NR3C1: variants seen among roughly 807,000 people sequenced by gnomAD.
The protein encoded by NR3C1 is glucocorticoid receptor.
Under a neutral mutation model 74.0 loss-of-function variants are expected in NR3C1, and 14 were observed. The ratio of observed to expected loss-of-function variants is 0.19; its 90% confidence interval spans 0.12 to 0.30. The LOEUF (loss-of-function observed/expected upper bound fraction) is 0.30. NR3C1 is among the 10% of genes least tolerant of loss of function. The pLI, the probability that NR3C1 is intolerant of heterozygous loss-of-function variation, is 1.00. For synonymous variants in NR3C1, 308 were observed against 332.5 expected (o/e 0.93, Z 0.80); for missense variants, 695 against 909.8 (o/e 0.76, Z 3.04).
chr5:143,420,079 C>T (rs35132206), intron 1 of NR3C1, among the ~76,000 whole-genome samples: 2,700 of 152,268 alleles, frequency 0.018, 82 homozygotes, highest in African/African-American at 0.062. Context: ...CCTGGCTCAC[C>T]GGCGGTCAGA....
chr5:143,390,802 T>C (rs1838091629), intron 2 of NR3C1, among the ~76,000 whole-genome samples: 1 of 152,156 alleles, frequency 6.6e-6, no homozygotes, highest in Non-Finnish European at 1.5e-5. Context: ...ATGTTATCAT[T>C]CGAGAGAGGA....
At chr5:143,326,665 TG>T (rs1824674957) in intron 2 of NR3C1, among the ~76,000 whole-genome samples, 2 of 152,232 alleles carry the variant, frequency 1.3e-5, no homozygotes, top group African/African-American at 4.8e-5. Flanking sequence ...GGGAAGCATT[TG>T]TTTTTTTCTG....
At chr5:143,340,867 C>T (rs527736914) in intron 2 of NR3C1, among the ~76,000 whole-genome samples, 48 of 152,110 alleles carry the variant, frequency 3.2e-4, no homozygotes, top group Non-Finnish European at 6.2e-4. Flanking sequence ...TGTGAGGGTT[C>T]GTTAAATAGG....
chr5:143,402,763 TCGCGCTCGGGCG>T, intron 1 of NR3C1: 1 of 985,268 alleles, frequency 1.0e-6, no homozygotes, highest in South Asian at 4.7e-5. Context: ...GAGCCCGGGC[TCGCGCTCGGGCG>T]CGCCGGGGTG....
chr5:143,388,508 C>T (rs1252627544), intron 2 of NR3C1, among the ~76,000 whole-genome samples: 1 of 152,150 alleles, frequency 6.6e-6, no homozygotes, highest in Non-Finnish European at 1.5e-5. Flanking sequence ...GTAAGCAAGG[C>T]AGACAGTATC....
intron 3 of NR3C1, among the ~76,000 whole-genome samples, chr5:143,312,661 G>C (rs1821220084): frequency 6.6e-6 from 1 of 152,202 alleles, no homozygotes; most frequent in Non-Finnish European, 1.5e-5. Context: ...CAACCCCATT[G>C]TAAGTCGAGG....
chr5:143,298,595 A>G (rs942748329), intron 6 of NR3C1, 73 bp downstream of exon 6: 1 of 1,466,590 alleles, frequency 6.8e-7, no homozygotes, highest in African/African-American at 1.4e-5. Context: ...TCACAATAGC[A>G]GTCAATCAGG....
At chr5:143,432,610 G>T (rs1228627249) in intron 1 of NR3C1, among the ~76,000 whole-genome samples, 1 of 152,210 alleles carries the variant, frequency 6.6e-6, no homozygotes, top group Non-Finnish European at 1.5e-5. Flanking sequence ...AGATGCTCGG[G>T]ATGAGTTTGT....
chr5:143,399,609 T>C (rs1839863037), intron 2 of NR3C1, 47 bp downstream of exon 2: 1 of 1,310,614 alleles, frequency 7.6e-7, no homozygotes, highest in Non-Finnish European at 1.1e-6. Flanking sequence ...TCTATTAATC[T>C]ACCTTAAATG....
chr5:143,369,804 A>G (rs1222254146), intron 2 of NR3C1, among the ~76,000 whole-genome samples: 1 of 152,234 alleles, frequency 6.6e-6, no homozygotes, highest in Non-Finnish European at 1.5e-5. Flanking sequence ...TAATCTATTA[A>G]AAAGCAAAAA....
intron 2 of NR3C1, among the ~76,000 whole-genome samples, chr5:143,367,059 T>C (rs1157822917): frequency 4.6e-5 from 7 of 152,180 alleles, no homozygotes; most frequent in African/African-American, 1.4e-4. Flanking sequence ...AAAAGGATTA[T>C]AAACCATAAC....
intron 2 of NR3C1, among the ~76,000 whole-genome samples, chr5:143,359,712 G>T (rs550273093): frequency 2.1e-4 from 32 of 152,296 alleles, no homozygotes; most frequent in Admixed American, 1.5e-3. Context: ...GAGGCCAGGA[G>T]TTCGAGACCA....
upstream of NR3C1, chr5:143,404,646 A>G (rs1840964556): frequency 2.5e-6 from 1 of 392,196 alleles, no homozygotes; most frequent in Admixed American, 6.7e-5. Context: ...CGCCAAATGC[A>G]AAACCTCCAG....
chr5:143,364,281 T>C (rs567141608), intron 2 of NR3C1, among the ~76,000 whole-genome samples: 2 of 152,354 alleles, frequency 1.3e-5, no homozygotes, highest in East Asian at 3.9e-4. Flanking sequence ...AAGAATTCTG[T>C]ATCCTGCCAA....
intron 2 of NR3C1, among the ~76,000 whole-genome samples, chr5:143,315,244 A>G (rs1821818720): frequency 6.6e-6 from 1 of 152,202 alleles, no homozygotes; most frequent in African/African-American, 2.4e-5. Context: ...TACATGACAC[A>G]ATGGTTTTCA....
At chr5:143,430,571 G>A (rs1000720638) in intron 1 of NR3C1, among the ~76,000 whole-genome samples, 1 of 152,140 alleles carries the variant, frequency 6.6e-6, no homozygotes, top group South Asian at 2.1e-4. Flanking sequence ...CATGAAGGTG[G>A]AGCCCTATGA....
intron 2 of NR3C1, among the ~76,000 whole-genome samples, chr5:143,336,792 C>T (rs11745958): frequency 0.16 from 24,594 of 150,856 alleles, 2,790 homozygotes; most frequent in Middle Eastern, 0.27. Context: ...CAAGTCCAGC[C>T]TGTCAACATG....
At chr5:143,421,516 G>A (rs1449143957) in intron 1 of NR3C1, among the ~76,000 whole-genome samples, 1 of 150,308 alleles carries the variant, frequency 6.7e-6, no homozygotes, top group Non-Finnish European at 1.5e-5. Flanking sequence ...CTCATGGGTA[G>A]AGCACTTAAA....
chr5:143,421,423 G>C (rs1751225150), intron 1 of NR3C1, among the ~76,000 whole-genome samples: 1 of 152,148 alleles, frequency 6.6e-6, no homozygotes, highest in African/African-American at 2.4e-5. Context: ...CTTAACCTCT[G>C]TGTGCTTCAG....
Sources: gnomAD v4.1 joint callset for allele counts (sites outside exome capture counted in the v4.1 genomes callset) on GRCh38, gnomAD v4.1.1 for gene constraint, MANE v1.5 for transcripts, NCBI Gene and HGNC (gene_info 2026-07-23, HGNC 2026-07-21) for gene names.